The following PRUNE2 variants were observed in gnomAD, a reference collection of about 807,000 sequenced individuals.
PRUNE2 encodes the protein prune homolog 2 with BCH domain.
A neutral mutation model predicts 252.0 loss-of-function variants in PRUNE2; 164 were observed. That is an observed-to-expected ratio of 0.65 (90% CI 0.57 to 0.74). The LOEUF is 0.74. Ranked by LOEUF, PRUNE2 falls within the 30% of genes least tolerant of loss-of-function variation. The pLI is 0.00. For missense variants in PRUNE2, 3,495 were observed against 3,711.0 expected, an observed-to-expected ratio of 0.94 and a Z score of 1.51; for synonymous variants, 1,292 against 1,350.2, an observed-to-expected ratio of 0.96 and a Z score of 0.94.
intron 6 of PRUNE2, among the ~76,000 whole-genome samples, chr9:76,775,105 G>T (rs182588786): frequency 1.6e-4 from 25 of 152,250 alleles, no homozygotes; most frequent in Non-Finnish European, 3.2e-4. Context: ...AAGCTGAACC[G>T]AATAGGACCA....
At chr9:76,729,443 A>G (rs1474208964) in intron 6 of PRUNE2, among the ~76,000 whole-genome samples, 2 of 152,176 alleles carry the variant, frequency 1.3e-5, no homozygotes, top group African/African-American at 4.8e-5. Context: ...TCAGGTTCCT[A>G]TCTGTCAAAA....
At chr9:76,799,111 T>C (rs2056349318) in intron 6 of PRUNE2, among the ~76,000 whole-genome samples, 1 of 152,026 alleles carries the variant, frequency 6.6e-6, no homozygotes, top group South Asian at 2.1e-4. Context: ...GAGGCCGAGG[T>C]GGGTGAATCG....
intron 1 of PRUNE2, among the ~76,000 whole-genome samples, chr9:76,871,493 A>C (rs751146384): frequency 2.6e-5 from 4 of 152,252 alleles, no homozygotes; most frequent in Non-Finnish European, 4.4e-5. Context: ...GTTGGCTAAC[A>C]GCTGTGTCTA....
intron 9 of PRUNE2, among the ~76,000 whole-genome samples, chr9:76,661,260 G>T (rs11999664): frequency 6.6e-6 from 1 of 152,014 alleles, no homozygotes; most frequent in Non-Finnish European, 1.5e-5. Flanking sequence ...TATCATTATT[G>T]TTAGTATTTT....
At chr9:76,794,823 G>A (rs34087764) in intron 6 of PRUNE2, among the ~76,000 whole-genome samples, 33,688 of 151,872 alleles carry the variant, frequency 0.22, 4,222 homozygotes, top group East Asian at 0.32. Flanking sequence ...TCATGGAGTG[G>A]CCCTAAGAAT....
intron 11 of PRUNE2, chr9:76,645,285 G>A (rs766631848): frequency 5.9e-6 from 1 of 168,628 alleles, no homozygotes; most frequent in Non-Finnish European, 1.3e-5. Context: ...GTGAAAGGCT[G>A]TGTACTAGAC....
chr9:76,755,169 T>A (rs1050871554), intron 6 of PRUNE2, among the ~76,000 whole-genome samples: 2 of 152,084 alleles, frequency 1.3e-5, no homozygotes, highest in Non-Finnish European at 2.9e-5. Context: ...AAACATGAAA[T>A]CACACTGTAT....
intron 9 of PRUNE2, among the ~76,000 whole-genome samples, chr9:76,666,414 C>A (rs1471633300): frequency 6.6e-6 from 1 of 152,220 alleles, no homozygotes; most frequent in Non-Finnish European, 1.5e-5. Context: ...CGCTCCTAGT[C>A]CGCTTTCATG....
At chr9:76,643,295 T>G (rs1026892468) in intron 12 of PRUNE2, among the ~76,000 whole-genome samples, 1 of 152,198 alleles carries the variant, frequency 6.6e-6, no homozygotes, top group Non-Finnish European at 1.5e-5. Flanking sequence ...GGCTTATCAC[T>G]GGGTGACTTT....
intron 9 of PRUNE2, among the ~76,000 whole-genome samples, chr9:76,665,667 C>T (rs191183742): frequency 4.6e-5 from 7 of 152,282 alleles, no homozygotes; most frequent in Non-Finnish European, 8.8e-5. Context: ...GATTTAGACA[C>T]GTGAAGGTGC....
At chr9:76,684,595 A>C (rs925362928) in intron 9 of PRUNE2, among the ~76,000 whole-genome samples, 1 of 152,232 alleles carries the variant, frequency 6.6e-6, no homozygotes, top group African/African-American at 2.4e-5. Flanking sequence ...TTAGATATCC[A>C]GCGTAAAGCT....
chr9:76,851,091 C>T (rs779002468), intron 2 of PRUNE2, among the ~76,000 whole-genome samples: 17 of 150,856 alleles, frequency 1.1e-4, no homozygotes, highest in Non-Finnish European at 2.1e-4. Flanking sequence ...AACAAACTCA[C>T]ATATCTTTAT....
chr9:76,844,822 C>G (rs920321361), intron 4 of PRUNE2, among the ~76,000 whole-genome samples: 1 of 151,916 alleles, frequency 6.6e-6, no homozygotes, highest in Non-Finnish European at 1.5e-5. Flanking sequence ...TGCCAGCTTC[C>G]CAATGCCACT....
intron 6 of PRUNE2, among the ~76,000 whole-genome samples, chr9:76,799,246 C>T (rs1169461402): frequency 6.6e-6 from 1 of 150,646 alleles, no homozygotes; most frequent in Non-Finnish European, 1.5e-5. Flanking sequence ...AAGGCTGAGG[C>T]AGGAGAATTG....
chr9:76,893,060 T>C (rs965033360), intron 1 of PRUNE2, among the ~76,000 whole-genome samples: 2 of 152,184 alleles, frequency 1.3e-5, no homozygotes, highest in African/African-American at 4.8e-5. Flanking sequence ...GGCAACATAA[T>C]GAGACCTTGT....
chr9:76,850,428 G>A (rs1269132038), intron 3 of PRUNE2, 35 bp downstream of exon 3: 8 of 1,540,258 alleles, frequency 5.2e-6, no homozygotes, highest in Middle Eastern at 3.4e-4. Flanking sequence ...CCTTCATTGA[G>A]GGATTAAACC....
intron 6 of PRUNE2, among the ~76,000 whole-genome samples, chr9:76,776,703 T>C (rs1352523804): frequency 6.6e-6 from 1 of 151,606 alleles, no homozygotes; most frequent in African/African-American, 2.4e-5. Context: ...TTAGTAGAGA[T>C]GGGGTTTCAC....
At chr9:76,865,205 T>A (rs1442061571) in intron 1 of PRUNE2, among the ~76,000 whole-genome samples, 1 of 152,146 alleles carries the variant, frequency 6.6e-6, no homozygotes, top group Admixed American at 6.6e-5. Flanking sequence ...TTAAAATATG[T>A]TTTACAGCCA....
intron 6 of PRUNE2, among the ~76,000 whole-genome samples, chr9:76,757,374 G>A (rs771787592): frequency 3.3e-5 from 5 of 152,208 alleles, no homozygotes; most frequent in Non-Finnish European, 7.3e-5. Flanking sequence ...CAAACTCAAA[G>A]AGAAGCTTTT....
Sources: allele counts gnomAD v4.1 joint callset (sites outside exome capture counted in the v4.1 genomes callset), GRCh38; gene constraint gnomAD v4.1.1; transcripts MANE v1.5; gene names NCBI Gene and HGNC (gene_info 2026-07-23, HGNC 2026-07-21).